Variants in MYZAP observed in about 807,000 individuals in gnomAD.
MYZAP encodes GRINL1A complex locus upstream.
A neutral mutation model predicts 69.4 loss-of-function variants in MYZAP; 66 were observed. The observed-to-expected ratio is 0.95, with a 90% CI of 0.78 to 1.17. The LOEUF (loss-of-function observed/expected upper bound fraction) is 1.17. Ranked by LOEUF, MYZAP falls within the 50% of genes most tolerant of loss-of-function variation. MYZAP has a pLI of 0.00. For synonymous variants in MYZAP, 256 were observed against 205.9 expected (o/e 1.24, Z -2.09); for missense variants, 611 against 556.2 (o/e 1.10, Z -0.99).
chr15:57,678,683 A>G (rs950310344), intron 12 of MYZAP, among the ~76,000 whole-genome samples: 8 of 152,116 alleles, frequency 5.3e-5, no homozygotes, highest in African/African-American at 1.9e-4. Flanking sequence ...TGGGAGGCCC[A>G]GTGATTGATA....
chr15:57,680,764 C>A (rs1216250830), intron 12 of MYZAP: 1 of 152,004 alleles, frequency 6.6e-6, no homozygotes, highest in African/African-American at 2.4e-5. Flanking sequence ...AAAAATATTC[C>A]CCATGGTCAT....
At chr15:57,600,743 G>GT (rs2034355599) in intron 1 of MYZAP, among the ~76,000 whole-genome samples, 1 of 152,184 alleles carries the variant, frequency 6.6e-6, no homozygotes. Context: ...AAGCAGGTCT[G>GT]TTTCATTTTG....
chr15:57,645,072 C>T (rs540138997), intron 10 of MYZAP, among the ~76,000 whole-genome samples: 80 of 152,306 alleles, frequency 5.3e-4, no homozygotes, highest in Admixed American at 1.0e-3. Flanking sequence ...TACACTTGGC[C>T]ACATGGTACC....
chr15:57,643,041 G>C (rs1295437534), intron 10 of MYZAP, among the ~76,000 whole-genome samples: 1 of 152,182 alleles, frequency 6.6e-6, no homozygotes, highest in African/African-American at 2.4e-5. Flanking sequence ...TCCTGTCATG[G>C]ATGTCAGGGG....
intron 10 of MYZAP, among the ~76,000 whole-genome samples, chr15:57,652,659 G>T (rs1240068313): frequency 5.3e-5 from 8 of 152,130 alleles, no homozygotes; most frequent in Admixed American, 5.2e-4. Context: ...GATCATAGAG[G>T]GATCAAGAGG....
chr15:57,648,771 C>T (rs916404823), intron 10 of MYZAP, among the ~76,000 whole-genome samples: 2 of 147,166 alleles, frequency 1.4e-5, no homozygotes, highest in African/African-American at 2.5e-5. Context: ...GCCATTTTGG[C>T]ACACTTGTTT....
At chr15:57,646,642 A>G (rs2037460380) in intron 10 of MYZAP, 1 of 992,170 alleles carries the variant, frequency 1.0e-6, no homozygotes, top group Admixed American at 5.9e-5. Context: ...CCACCAGATC[A>G]CCCCCAAGAA....
rs1299526406 is a variant in MYZAP, at chr15:57,661,452, T to C, written c.1122T>C (p.Ile374=). The C allele has an allele frequency of 1.2e-6, 2 of 1,606,654 alleles. No homozygotes were observed. The highest frequency in any genetic ancestry group is 2.7e-5 in the African/African-American group (2 of 74,668). ...QKKVKQMVEE[I]ESLKKKLQQK... ...ATTTTCCATCCCTTTCTTTCTAGAT[T>C]GAATCATTAAAGAAAAAGTTGCAAC... Residue 374 remains isoleucine, a splice_region_variant and synonymous_variant, in exon 11 of 13, where the codon ATT becomes ATC. Coordinates refer to ENST00000267853, the MANE Select transcript of MYZAP (RefSeq NM_001018100.5).
At chr15:57,615,407 A>G (rs1404380588) in intron 2 of MYZAP, among the ~76,000 whole-genome samples, 2 of 152,152 alleles carry the variant, frequency 1.3e-5, no homozygotes, top group Admixed American at 6.5e-5. Flanking sequence ...CACAGACTTC[A>G]TTGTTCCTGG....
At chr15:57,601,054 C>A (rs112231803) in intron 1 of MYZAP, among the ~76,000 whole-genome samples, 1 of 151,860 alleles carries the variant, frequency 6.6e-6, no homozygotes, top group Admixed American at 6.6e-5. Context: ...CCAGCCTGGG[C>A]GACAGAGCAA....
chr15:57,637,198 A>G (rs2036867540), intron 8 of MYZAP, among the ~76,000 whole-genome samples: 1 of 152,220 alleles, frequency 6.6e-6, no homozygotes. Flanking sequence ...AAGATAACAC[A>G]TAGGATTCAG....
At chr15:57,628,807 G>A (rs1345916477) in intron 5 of MYZAP, among the ~76,000 whole-genome samples, 2 of 151,992 alleles carry the variant, frequency 1.3e-5, no homozygotes, top group Non-Finnish European at 1.5e-5. Context: ...AAGGGAGGCC[G>A]GGCGTGGTGG....
chr15:57,666,361 C>T (rs1197276491), intron 11 of MYZAP, among the ~76,000 whole-genome samples: 2 of 152,190 alleles, frequency 1.3e-5, no homozygotes, highest in African/African-American at 4.8e-5. Context: ...AGGCCCTTTC[C>T]TAGGTCATGG....
intron 2 of MYZAP, among the ~76,000 whole-genome samples, chr15:57,617,268 G>C (rs1368781375): frequency 1.3e-5 from 2 of 152,158 alleles, no homozygotes; most frequent in Non-Finnish European, 2.9e-5. Context: ...CATTAAATGT[G>C]ATTAGGAATA....
At chr15:57,621,048 T>TAGGCATA (rs2035773930) in intron 3 of MYZAP, among the ~76,000 whole-genome samples, 1 of 148,068 alleles carries the variant, frequency 6.8e-6, no homozygotes, top group Non-Finnish European at 1.5e-5. Flanking sequence ...ATATATTTTA[T>TAGGCATA]TATGTATATA....
At chr15:57,648,679 T>A (rs565845212) in intron 10 of MYZAP, among the ~76,000 whole-genome samples, 1 of 152,194 alleles carries the variant, frequency 6.6e-6, no homozygotes, top group African/African-American at 2.4e-5. Flanking sequence ...TACTTTTAAT[T>A]GGAAAAAAAT....
chr15:57,593,214 A>ACACACACACACACACACCCCC lies in MYZAP; in HGVS notation c.75+1106_75+1107insACACACACACACACACCCCCC, dbSNP rs1172761785. 1.8e-4 allele frequency among the ~76,000 whole-genome samples: 26 copies of ACACACACACACACACACCCCC among 141,434 alleles called. 1 individual carries two copies. The highest frequency in any genetic ancestry group is 7.0e-4 in the African/African-American group (25 of 35,868). The allele number at this position is 141,434 out of a possible 152,430, so 92.8% of individuals were successfully genotyped here. A position where few individuals can be genotyped will look rare whatever the true frequency, so the allele number is the denominator to read the frequency against. ...CACACACACACACACACACACACAC[A>ACACACACACACACACACCCCC]CCCCAGAATCCATCAGTTGGCTCAT... On this transcript the variant is annotated intron_variant, in intron 1 of 12. Coordinates refer to ENST00000267853, the MANE Select transcript of MYZAP (RefSeq NM_001018100.5).
intron 6 of MYZAP, among the ~76,000 whole-genome samples, chr15:57,631,075 G>A (rs1168326474): frequency 6.6e-6 from 1 of 152,160 alleles, no homozygotes; most frequent in African/African-American, 2.4e-5. Flanking sequence ...CTTCTAATAG[G>A]GCAGCTCTTC....
At chr15:57,598,226 G>A (rs1452368157) in intron 1 of MYZAP, among the ~76,000 whole-genome samples, 3 of 152,092 alleles carry the variant, frequency 2.0e-5, no homozygotes, top group African/African-American at 7.2e-5. Flanking sequence ...CAGAAACAAG[G>A]CCTGAGGGGA....
Sources: allele counts gnomAD v4.1 joint callset (sites outside exome capture counted in the v4.1 genomes callset), GRCh38; gene constraint gnomAD v4.1.1; transcripts MANE v1.5; gene names NCBI Gene and HGNC (gene_info 2026-07-23, HGNC 2026-07-21).